Variants in CABLES1 observed in about 807,000 individuals in gnomAD.
The protein encoded by CABLES1 is Cdk5 and Abl enzyme substrate 1, also known as CDK5 and ABL1 enzyme substrate 1.
Under a neutral mutation model 57.8 loss-of-function variants are expected in CABLES1, and 36 were observed. That is an observed-to-expected ratio of 0.62 (90% confidence interval 0.48 to 0.82). The LOEUF (loss-of-function observed/expected upper bound fraction) is 0.82. CABLES1 is among the 40% of genes least tolerant of loss of function. The probability of loss-of-function intolerance (pLI) is 0.00; values close to 1 mark genes in which losing one functional copy is unlikely to be tolerated. For missense variants in CABLES1, 767 were observed against 836.6 expected (o/e 0.92, Z 1.03); for synonymous variants, 374 against 363.0 (o/e 1.03, Z -0.35).
At chr18:23,213,816 A>AT (rs1236453890) in intron 3 of CABLES1, among the ~76,000 whole-genome samples, 161 bp from the exon 4 acceptor site, 4 of 152,220 alleles carry the variant, frequency 2.6e-5, no homozygotes, top group African/African-American at 9.6e-5. Context: ...CTGGGGTTGC[A>AT]TTTTGCAAGG....
rs11877076 is a variant in CABLES1, at chr18:23,226,661, G to A, written c.1089-7947G>A. Among the ~76,000 whole-genome samples the A allele has an allele frequency of 7.6e-3, 1,156 of 152,232 alleles. 12 individuals are homozygous for A. The highest frequency in any genetic ancestry group is 0.026 in the African/African-American group (1,096 of 41,522). The stretch of plus-strand genomic sequence containing the variant: ...GCCAGCCCAGGAGCTTCTAGAGCAC[G>A]ACCCACTGGTGAGTGAGAGACTGCA... On this transcript the variant is annotated intron_variant, in intron 4 of 9. Coordinates refer to ENST00000256925, the MANE Select transcript of CABLES1 (RefSeq NM_001100619.3).
intron 4 of CABLES1, among the ~76,000 whole-genome samples, chr18:23,218,078 G>A (rs1443290714): frequency 6.6e-6 from 1 of 152,206 alleles, no homozygotes; most frequent in Non-Finnish European, 1.5e-5. Context: ...CACCGATTAA[G>A]GGGCTAATGT....
rs1411839451 is a variant in CABLES1 at position 23,150,547 on chromosome 18, G to A, written c.845+13940G>A. Among the ~76,000 whole-genome samples the A allele has an allele frequency of 6.6e-5, 10 of 152,142 alleles. No homozygotes were observed. In the East Asian group the frequency reaches 1.9e-3, roughly 29 times the overall value. ...TAGTAGTTTTTCAAGTATCCAAGCA[G>A]ATTTGTGGACAGCCTCTGCCCTGTG... On this transcript the variant is annotated intron_variant, in intron 1 of 9. Coordinates refer to ENST00000256925, the MANE Select transcript of CABLES1 (RefSeq NM_001100619.3).
chr18:23,182,083 TG>T (rs1439320430), intron 1 of CABLES1, among the ~76,000 whole-genome samples: 15 of 152,288 alleles, frequency 9.8e-5, no homozygotes, highest in African/African-American at 2.6e-4. Flanking sequence ...TTGCCTTTTT[TG>T]TGAGTAGAGA....
chr18:23,215,411 C>T (rs922526068), intron 4 of CABLES1, among the ~76,000 whole-genome samples: 2 of 152,096 alleles, frequency 1.3e-5, no homozygotes, highest in African/African-American at 4.8e-5. Context: ...AAGTAGTAGC[C>T]GAAGGGCCCA....
Position 23,194,498 on chromosome 18 carries a change from A to G in CABLES1, c.968A>G (p.His323Arg), listed in dbSNP as rs1180359479. The change falls in exon 3 of 10, where the codon CAT becomes CGT. Residue 323 changes from histidine (H) to arginine (R), a missense_variant. Transcript: ENST00000256925. ...AGACCAAAGAATTTTAAGAAGATTCATTTTATCAAGAACATGCGGCAACAC... is the reference window on the plus strand; with the variant it reads ...AGACCAAAGAATTTTAAGAAGATTCGTTTTATCAAGAACATGCGGCAACAC... Reference protein sequence around the residue: ...SPRPKNFKKIHFIKNMRQHDT... With the variant: ...SPRPKNFKKIRFIKNMRQHDT... 6.2e-7 allele frequency: 1 copy of G among 1,613,720 alleles called. No homozygotes were observed. The highest frequency in any genetic ancestry group is 8.5e-7 in the Non-Finnish European group (1 of 1,179,594).
At chr18:23,239,058 C>G (rs529210434) in intron 7 of CABLES1, among the ~76,000 whole-genome samples, 1 of 152,354 alleles carries the variant, frequency 6.6e-6, no homozygotes, top group Non-Finnish European at 1.5e-5. Flanking sequence ...TGGGCTGGTG[C>G]TAGATCTGAT....
At chr18:23,251,399 C>T (rs946901656) in intron 7 of CABLES1, among the ~76,000 whole-genome samples, 32 of 152,100 alleles carry the variant, frequency 2.1e-4, no homozygotes, top group African/African-American at 7.0e-4. Context: ...TGCAGTGAGC[C>T]GAGATTGCGC....
chr18:23,185,616 G>A (rs1027334490), intron 1 of CABLES1, among the ~76,000 whole-genome samples: 1 of 152,088 alleles, frequency 6.6e-6, no homozygotes, highest in Non-Finnish European at 1.5e-5. Flanking sequence ...GCTCCTTAGG[G>A]TACCTGAAGG....
chr18:23,243,851 G>A (rs1386831611), intron 7 of CABLES1, among the ~76,000 whole-genome samples: 1 of 135,446 alleles, frequency 7.4e-6, no homozygotes, highest in African/African-American at 2.8e-5. Context: ...CGGCCTGGGC[G>A]ATAAGACCAA....
chr18:23,235,243 T>C (rs1234879739), intron 5 of CABLES1, among the ~76,000 whole-genome samples: 2 of 152,232 alleles, frequency 1.3e-5, no homozygotes. Context: ...TCATCAACCC[T>C]TTCAAAATCT....
At chr18:23,208,320 G>A (rs1006768578) in intron 3 of CABLES1, among the ~76,000 whole-genome samples, 15 of 152,182 alleles carry the variant, frequency 9.9e-5, no homozygotes, top group African/African-American at 2.2e-4. Context: ...GAGGAAAAGC[G>A]TCCCCCCAAT....
At chr18:23,211,223 G>T (rs1431835676) in intron 3 of CABLES1, among the ~76,000 whole-genome samples, 1 of 152,148 alleles carries the variant, frequency 6.6e-6, no homozygotes. Context: ...CAAACTTAGT[G>T]TGTGGGAAGG....
chr18:23,143,886 T>G (rs2046874252), intron 1 of CABLES1, among the ~76,000 whole-genome samples: 1 of 152,226 alleles, frequency 6.6e-6, no homozygotes, highest in Non-Finnish European at 1.5e-5. Context: ...CCTGCCAGTC[T>G]TAAATTCCTG....
intron 2 of CABLES1, among the ~76,000 whole-genome samples, chr18:23,189,930 C>T (rs1448101490): frequency 1.3e-5 from 2 of 152,264 alleles, no homozygotes; most frequent in African/African-American, 2.4e-5. Context: ...GGGAAGTGTC[C>T]GGCAACTGTG....
chr18:23,137,642 T>TCAG (rs2046831921), intron 1 of CABLES1, among the ~76,000 whole-genome samples: 1 of 152,194 alleles, frequency 6.6e-6, no homozygotes, highest in African/African-American at 2.4e-5. Flanking sequence ...CATGCTTACC[T>TCAG]GAAAGCTTGA....
intron 3 of CABLES1, among the ~76,000 whole-genome samples, chr18:23,205,162 A>G (rs2047353781): frequency 6.6e-6 from 1 of 151,054 alleles, no homozygotes; most frequent in African/African-American, 2.4e-5. Context: ...AGGGAATTCC[A>G]AAAGGACTTC....
At chr18:23,243,872 CAAAAA>C (rs34013091) in intron 7 of CABLES1, among the ~76,000 whole-genome samples, 1 of 109,894 alleles carries the variant, frequency 9.1e-6, no homozygotes, top group South Asian at 3.1e-4. Context: ...GACTCCGTTT[CAAAAA>C]AAAAAAAAAA....
rs1178991538 is a variant in CABLES1 at position 23,136,168 on chromosome 18, T to A, written c.406T>A (p.Ser136Thr). Residue 136 changes from serine to threonine, a missense_variant, in exon 1 of 10, where the codon TCC becomes ACC. This residue lies in a region of CABLES1 where 529 missense variants were observed against 622.8 expected (regional missense o/e 0.85). Coordinates refer to ENST00000256925, the MANE Select transcript of CABLES1 (RefSeq NM_001100619.3). Reference protein sequence around the residue: ...GTPAAGLAAGSGPCLPQPSSL... With the variant: ...GTPAAGLAAGTGPCLPQPSSL... ...GCCGGCTGCGGGGTTAGCCGCTGGG[T>A]CCGGCCCCTGCCTCCCACAGCCCTC... 1.6e-6 allele frequency: 2 copies of A among 1,222,412 alleles called. No individual in the cohort carries two copies. The highest frequency in any genetic ancestry group is 3.2e-5 in the African/African-American group (2 of 63,418). The allele number at this position is 1,222,412 out of a possible 1,614,324, so 75.7% of individuals were successfully genotyped here.
Sources: gnomAD v4.1 joint callset for allele counts (sites outside exome capture counted in the v4.1 genomes callset) on GRCh38, gnomAD v4.1.1 for gene constraint, gnomAD v4.1.1 regional missense constraint, MANE v1.5 for transcripts, NCBI Gene and HGNC (gene_info 2026-07-23, HGNC 2026-07-21) for gene names.